Variants in NFYC observed in about 807,000 individuals in gnomAD.
NFYC encodes nuclear transcription factor Y subunit gamma, also known as CAAT box DNA-binding protein subunit C.
Under a neutral mutation model 53.1 loss-of-function variants are expected in NFYC, and 25 were observed. That is an observed-to-expected ratio of 0.47 (90% CI 0.34 to 0.66). The LOEUF is 0.66. Among genes scored for constraint, NFYC ranks in the 30% least tolerant of loss-of-function variants. The pLI, the probability that NFYC is intolerant of heterozygous loss-of-function variation, is 0.01. For missense variants in NFYC, 260 were observed against 422.7 expected, an observed-to-expected ratio of 0.62 and a Z score of 3.38; for synonymous variants, 145 against 152.6, an observed-to-expected ratio of 0.95 and a Z score of 0.37.
chr1:40,705,473 A>G (rs1397250664), intron 1 of NFYC, among the ~76,000 whole-genome samples: 5 of 152,258 alleles, frequency 3.3e-5, no homozygotes, highest in Admixed American at 6.5e-5. Flanking sequence ...TACAGTACCT[A>G]TAACACATCG....
chr1:40,715,300 G>T (rs1297866757), intron 1 of NFYC, among the ~76,000 whole-genome samples: 1 of 150,214 alleles, frequency 6.7e-6, no homozygotes, highest in African/African-American at 2.5e-5. Flanking sequence ...TGAGGCACAA[G>T]AATTGCTTGA....
In NFYC at chr1:40,733,829, C is replaced by T. The variant is rs531535147; in HGVS notation, c.-8-5007C>T. ...CATTATCTTGACTCACTGCAACCTC[C>T]GCTTCCCAGGTTCCAGTGAAACTGT... On this transcript the variant is annotated intron_variant, in intron 1 of 9. Transcript: ENST00000447388. Among the ~76,000 whole-genome samples, 5 of 152,182 alleles carry T rather than the reference C, an allele frequency of 3.3e-5. No homozygotes were observed. In the South Asian group the frequency reaches 6.2e-4, roughly 19 times the overall value.
chr1:40,709,642 T>G (rs1305545397), intron 1 of NFYC: 1 of 152,240 alleles, frequency 6.6e-6, no homozygotes, highest in African/African-American at 2.4e-5. Flanking sequence ...TGTTTTGTGT[T>G]GAAATGATAG....
At chr1:40,716,016 A>C (rs1644122922) in intron 1 of NFYC, among the ~76,000 whole-genome samples, 1 of 152,212 alleles carries the variant, frequency 6.6e-6, no homozygotes, top group African/African-American at 2.4e-5. Context: ...AGACCTGCTC[A>C]ATTGAAAATA....
chr1:40,770,409 C>T lies in NFYC; in HGVS notation c.889-300C>T. 6.5e-7 allele frequency: 1 copy of T among 1,547,294 alleles called. No homozygotes were observed. Among genetic ancestry groups the T allele is most frequent in the Non-Finnish European group, 8.7e-7 (1 of 1,144,424 alleles). On this transcript the variant is annotated intron_variant, in intron 9 of 9. Transcript: ENST00000447388. This position sits in a 1 kb window ranked among gnomAD's most constrained non-coding sequence, Gnocchi z 5.3. Reference sequence around the variant, plus strand: ...GTGTTTGCCACAGAGGAACAGCGTGCAGCAAGCTCGAGTCTCTGAGCTAAC... The same window carrying T: ...GTGTTTGCCACAGAGGAACAGCGTGTAGCAAGCTCGAGTCTCTGAGCTAAC...
chr1:40,761,317 T>G (rs1646533646), intron 6 of NFYC, among the ~76,000 whole-genome samples: 1 of 152,174 alleles, frequency 6.6e-6, no homozygotes, highest in Admixed American at 6.5e-5. Context: ...CTGGCTGTTG[T>G]TTCACCATCC....
intron 7 of NFYC, among the ~76,000 whole-genome samples, chr1:40,765,410 G>T (rs968353660): frequency 5.3e-5 from 8 of 152,218 alleles, no homozygotes; most frequent in Admixed American, 4.6e-4. Context: ...TGTGAGGCTG[G>T]AAGTCTCAGA....
At chr1:40,730,626 A>T in intron 1 of NFYC, 2 of 983,774 alleles carry the variant, frequency 2.0e-6, no homozygotes, top group Non-Finnish European at 1.2e-6. Flanking sequence ...TTGATCATAG[A>T]GAGATACTTG....
At chr1:40,766,334 A>G (rs569772873) in intron 7 of NFYC, 8 of 435,482 alleles carry the variant, frequency 1.8e-5, no homozygotes, top group Non-Finnish European at 1.7e-5. Context: ...TGCTGTTCTC[A>G]CCTTTGTGAC....
intron 1 of NFYC, chr1:40,735,363 CT>C (rs1484068441): frequency 3.3e-5 from 5 of 153,196 alleles, no homozygotes; most frequent in Non-Finnish European, 7.2e-5. Context: ...TGTTTTGTAC[CT>C]AACTTCCACT....
intron 1 of NFYC, among the ~76,000 whole-genome samples, chr1:40,694,497 A>C (rs1643014866): frequency 6.6e-6 from 1 of 152,216 alleles, no homozygotes; most frequent in Admixed American, 6.5e-5. Context: ...AAGTGAAAAT[A>C]GGGTTTGCCA....
At chr1:40,767,055 C>T in intron 8 of NFYC, 6 of 1,332,294 alleles carry the variant, frequency 4.5e-6, no homozygotes, top group Non-Finnish European at 6.3e-6. Flanking sequence ...ACCCAAGTGG[C>T]TGTTGTGTTC....
At chr1:40,747,691 A>G (rs1645684071) in intron 3 of NFYC, 86 bp downstream of exon 3, 10 of 878,726 alleles carry the variant, frequency 1.1e-5, no homozygotes, top group Non-Finnish European at 1.8e-6. Flanking sequence ...TCAAAGTTTA[A>G]TTAAACAAGA....
chr1:40,761,136 A>G lies in NFYC; in HGVS notation c.562-1752A>G, dbSNP rs1261024703. 1.3e-5 allele frequency among the ~76,000 whole-genome samples: 2 copies of G among 152,244 alleles called. 1 individual carries two copies. Among genetic ancestry groups the G allele is most frequent in the African/African-American group, 4.8e-5 (2 of 41,464 alleles). On this transcript the variant is annotated intron_variant, in intron 6 of 9. Transcript: ENST00000447388. ...CTGAAATGATTTAGAAATACCTTGG[A>G]AATCCTCTCGGGAAAATTGGGTTGA...
chr1:40,715,830 A>G (rs903604267), intron 1 of NFYC, among the ~76,000 whole-genome samples: 1 of 152,242 alleles, frequency 6.6e-6, no homozygotes, highest in Non-Finnish European at 1.5e-5. Flanking sequence ...AACATAGTAA[A>G]TGTTTAACTT....
At chr1:40,769,294 GGT>G in intron 8 of NFYC, 60 bp from the exon 9 acceptor site, 1 of 1,517,330 alleles carries the variant, frequency 6.6e-7, no homozygotes, top group Non-Finnish European at 9.2e-7. Context: ...TCTTTTGGGT[GGT>G]GGGCTGGTGG....
intron 4 of NFYC, among the ~76,000 whole-genome samples, chr1:40,751,557 C>A (rs1369566308): frequency 2.0e-5 from 3 of 152,106 alleles, no homozygotes; most frequent in African/African-American, 7.2e-5. Flanking sequence ...AGGTGCATGC[C>A]ACCATATCTG....
intron 1 of NFYC, among the ~76,000 whole-genome samples, chr1:40,706,377 G>A (rs1643693644): frequency 6.6e-6 from 1 of 152,062 alleles, no homozygotes; most frequent in Non-Finnish European, 1.5e-5. Context: ...ATTTCATCAT[G>A]GGAAATGAGT....
chr1:40,712,658 C>CTTTTTTTTTTTTTTTT (rs3081775), intron 1 of NFYC: 1 of 71,024 alleles, frequency 1.4e-5, no homozygotes, highest in Non-Finnish European at 2.4e-5. Flanking sequence ...GGATTAATGC[C>CTTTTTTTTTTTTTTTT]TTTTTTTTTT....
Sources: gnomAD v4.1 joint callset for allele counts (sites outside exome capture counted in the v4.1 genomes callset) on GRCh38, gnomAD v4.1.1 for gene constraint, Gnocchi (gnomAD v3.1) non-coding constraint, MANE v1.5 for transcripts, NCBI Gene and HGNC (gene_info 2026-07-23, HGNC 2026-07-21) for gene names.